AGAP1: variants seen among roughly 807,000 people sequenced by gnomAD.
AGAP1 encodes arf-GAP with GTPase, ANK repeat and PH domain-containing protein 1.
AGAP1 carries 29 observed loss-of-function variants against 105.3 expected under a neutral mutation model. That is an observed-to-expected ratio of 0.28 (90% CI 0.21 to 0.38). AGAP1 has a LOEUF of 0.38. AGAP1 is among the 10% of genes least tolerant of loss of function. The probability of loss-of-function intolerance (pLI) is 1.00; values close to 1 mark genes in which losing one functional copy is unlikely to be tolerated. For synonymous variants in AGAP1, 509 were observed against 485.9 expected (o/e 1.05, Z -0.63); for missense variants, 998 against 1,165.1 (o/e 0.86, Z 2.09).
Position 235,663,392 on chromosome 2 carries a change from C to T in AGAP1, c.164-45787C>T, listed in dbSNP as rs968801646. 6.6e-6 allele frequency among the ~76,000 whole-genome samples: 1 copy of T among 152,224 alleles called. No individual in the cohort carries two copies. The highest frequency in any genetic ancestry group is 2.1e-4 in the South Asian group (1 of 4,822). On this transcript the variant is annotated intron_variant, in intron 1 of 17. Coordinates refer to ENST00000304032, the MANE Select transcript of AGAP1 (RefSeq NM_001037131.3). The surrounding 1 kb of genome is among the most constrained non-coding windows in gnomAD (Gnocchi z 5.4). ...GTGGGGTTGGGCTTTGAACTGGCAT[C>T]GTAGGCATTTTGTTTTCTACATTTA...
chr2:235,938,298 A>G (rs1281666099), intron 12 of AGAP1, among the ~76,000 whole-genome samples: 1 of 152,228 alleles, frequency 6.6e-6, no homozygotes, highest in East Asian at 1.9e-4. Flanking sequence ...TCGCAGCAGC[A>G]GGTCGGTGGT....
chr2:235,873,294 CTATT>C (rs1559591408), intron 9 of AGAP1, among the ~76,000 whole-genome samples: 1 of 152,194 alleles, frequency 6.6e-6, no homozygotes, highest in East Asian at 1.9e-4. Flanking sequence ...TCCACAAAAG[CTATT>C]TCCCGAGTCT....
In AGAP1 at chr2:235,659,560, G is replaced by T. The variant is rs918938517; in HGVS notation, c.164-49619G>T. 6.6e-6 allele frequency among the ~76,000 whole-genome samples: 1 copy of T among 152,150 alleles called. No individual in the cohort carries two copies. The highest frequency in any genetic ancestry group is 1.5e-5 in the Non-Finnish European group (1 of 68,032). ...GCCAGGCGTCAGTGCCCTGCTCGGG[G>T]TCCCTTTGCAGCTCCCCTGAACGTG... On this transcript the variant is annotated intron_variant, in intron 1 of 17. Coordinates refer to ENST00000304032, the MANE Select transcript of AGAP1 (RefSeq NM_001037131.3). The surrounding 1 kb of genome is among the most constrained non-coding windows in gnomAD (Gnocchi z 5.0).
chr2:235,743,349 G>A (rs767103264), intron 4 of AGAP1, among the ~76,000 whole-genome samples: 8 of 152,090 alleles, frequency 5.3e-5, no homozygotes, highest in Non-Finnish European at 1.2e-4. Flanking sequence ...CTCCCGGCTC[G>A]GGAACTGAGG....
chr2:235,600,397 C>T lies in AGAP1; in HGVS notation c.163+105548C>T, dbSNP rs902646490. Among the ~76,000 whole-genome samples, 6 of 152,190 alleles carry T rather than the reference C, an allele frequency of 3.9e-5. No individual in the cohort carries two copies. Among genetic ancestry groups the T allele is most frequent in the African/African-American group, 1.2e-4 (5 of 41,444 alleles). On this transcript the variant is annotated intron_variant, in intron 1 of 17. Coordinates refer to ENST00000304032, the MANE Select transcript of AGAP1 (RefSeq NM_001037131.3). The surrounding 1 kb of genome is among the most constrained non-coding windows in gnomAD (Gnocchi z 4.8). ...CCTCACCTGAAGCCCTCCTCTTACCCACCCTCTGCCCTATAGACCCCCATA... is the reference window on the plus strand; with the variant it reads ...CCTCACCTGAAGCCCTCCTCTTACCTACCCTCTGCCCTATAGACCCCCATA...
rs575626243 is a variant in AGAP1, at chr2:235,499,330, C to A, written c.163+4481C>A. ...AAAGCAGCTGACTGTGGCAAAACTT[C>A]CAGAAGCATTTGTTTTCATGTGGAA... is the stretch of plus-strand genomic sequence containing the variant. On this transcript the variant is annotated intron_variant, in intron 1 of 17. Transcript: ENST00000304032. Among the ~76,000 whole-genome samples the A allele has an allele frequency of 2.6e-5, 4 of 152,322 alleles. No individual in the cohort carries two copies. The South Asian group carries it at 8.3e-4, about 32-fold the overall frequency.
rs1491546584 is a variant in AGAP1, at chr2:236,079,369, TTA to T, written c.2114+30089_2114+30090del. On this transcript the variant is annotated intron_variant, in intron 16 of 17. Coordinates refer to ENST00000304032, the MANE Select transcript of AGAP1 (RefSeq NM_001037131.3). Reference sequence around the variant, plus strand: ...CTCTGTCTCTACAAAAAAAGAAAATTTAAAAAAAAAAAAAAAAAAACAGGCAT... The same window carrying T: ...CTCTGTCTCTACAAAAAAAGAAAATTAAAAAAAAAAAAAAAAAACAGGCAT... Among the ~76,000 whole-genome samples, 571 of 108,500 alleles carry T rather than the reference TTA, an allele frequency of 5.3e-3. 2 individuals are homozygous for T. Among genetic ancestry groups the T allele is most frequent in the African/African-American group, 0.024 (489 of 20,482 alleles). The allele number at this position is 108,500 out of a possible 152,430, so 71.2% of individuals were successfully genotyped here.
At chr2:235,954,754 T>G (rs553357612) in intron 12 of AGAP1, among the ~76,000 whole-genome samples, 111 of 151,986 alleles carry the variant, frequency 7.3e-4, no homozygotes, top group African/African-American at 2.6e-3. Context: ...GTGGTCAATA[T>G]GCACACATAT....
chr2:235,563,157 G>C (rs1163966849), intron 1 of AGAP1, among the ~76,000 whole-genome samples: 1 of 152,206 alleles, frequency 6.6e-6, no homozygotes, highest in Non-Finnish European at 1.5e-5. Flanking sequence ...CATCTCTGTT[G>C]TACTTGGGAG....
At chr2:235,501,313 T>G (rs1368446999) in intron 1 of AGAP1, among the ~76,000 whole-genome samples, 1 of 152,226 alleles carries the variant, frequency 6.6e-6, no homozygotes, top group Non-Finnish European at 1.5e-5. Flanking sequence ...TTTTCCTTCT[T>G]GTCTTTCGGA....
chr2:235,905,919 C>T lies in AGAP1; in HGVS notation c.1156-2819C>T, dbSNP rs2051282640. On this transcript the variant is annotated intron_variant, in intron 10 of 17. Coordinates refer to ENST00000304032, the MANE Select transcript of AGAP1 (RefSeq NM_001037131.3). This position sits in a 1 kb window ranked among gnomAD's most constrained non-coding sequence, Gnocchi z 4.2. The stretch of plus-strand genomic sequence containing the variant: ...AGTTAATTCAATAGTAACTTTCTTT[C>T]TGTCTTTGGTCTACATCCTCTCAAA... Among the ~76,000 whole-genome samples, 1 of 152,244 alleles carries T rather than the reference C, an allele frequency of 6.6e-6. No individual in the cohort carries two copies. The highest frequency in any genetic ancestry group is 1.5e-5 in the Non-Finnish European group (1 of 68,048).
chr2:235,603,047 C>T (rs1269142833), intron 1 of AGAP1, among the ~76,000 whole-genome samples: 1 of 152,146 alleles, frequency 6.6e-6, no homozygotes, highest in African/African-American at 2.4e-5. Context: ...TGTCCCCACC[C>T]AAATCTCATC....
chr2:235,626,388 C>G (rs1946638078), intron 1 of AGAP1, among the ~76,000 whole-genome samples: 1 of 152,168 alleles, frequency 6.6e-6, no homozygotes, highest in Non-Finnish European at 1.5e-5. Flanking sequence ...GGCTGACACT[C>G]TCTCCCTCAT....
chr2:236,099,257 CCTGA>C (rs924883308), intron 16 of AGAP1, among the ~76,000 whole-genome samples: 59 of 152,052 alleles, frequency 3.9e-4, no homozygotes, highest in African/African-American at 8.7e-4. Flanking sequence ...TTGAGACTAT[CCTGA>C]CTAACAGGGT....
rs1237478646 is a variant in AGAP1 at position 235,993,596 on chromosome 2, G to A, written c.1645+24973G>A. Among the ~76,000 whole-genome samples the A allele has an allele frequency of 2.0e-5, 3 of 152,234 alleles. No homozygotes were observed. The highest frequency in any genetic ancestry group is 6.5e-5 in the Admixed American group (1 of 15,288). ...CAAAGTTCACATTGTGGAAACTGAAGCCAGCAAGATACTGTGAAGGAAAAT... is the reference window on the plus strand; with the variant it reads ...CAAAGTTCACATTGTGGAAACTGAAACCAGCAAGATACTGTGAAGGAAAAT... On this transcript the variant is annotated intron_variant, in intron 13 of 17. Transcript: ENST00000304032. This position sits in a 1 kb window ranked among gnomAD's most constrained non-coding sequence, Gnocchi z 5.0.
At chr2:235,858,674 C>T (rs1029285398) in intron 9 of AGAP1, among the ~76,000 whole-genome samples, 5 of 152,194 alleles carry the variant, frequency 3.3e-5, no homozygotes, top group African/African-American at 9.6e-5. Flanking sequence ...TGTACTTCCT[C>T]TTTGTCAAAA....
chr2:235,742,842 A>G (rs1039182133), intron 4 of AGAP1, among the ~76,000 whole-genome samples: 33 of 152,336 alleles, frequency 2.2e-4, no homozygotes, highest in African/African-American at 7.5e-4. Flanking sequence ...TTACCAGTAT[A>G]TGAAGCACAA....
At chr2:236,118,392 T>C (rs1179568567) in intron 16 of AGAP1, among the ~76,000 whole-genome samples, 1 of 148,422 alleles carries the variant, frequency 6.7e-6, no homozygotes, top group Non-Finnish European at 1.5e-5. Flanking sequence ...TTTTTCTTTT[T>C]TTTTTTTTTT....
At chr2:235,939,882 C>CA (rs1282123982) in intron 12 of AGAP1, among the ~76,000 whole-genome samples, 1 of 152,156 alleles carries the variant, frequency 6.6e-6, no homozygotes, top group African/African-American at 2.4e-5. Context: ...GTCCTCCCTG[C>CA]ACTCCTCTTG....
Sources: allele counts gnomAD v4.1 joint callset (sites outside exome capture counted in the v4.1 genomes callset), GRCh38; gene constraint gnomAD v4.1.1; non-coding constraint Gnocchi (gnomAD v3.1); transcripts MANE v1.5; gene names NCBI Gene and HGNC (gene_info 2026-07-23, HGNC 2026-07-21).